SHQ1: variants seen among roughly 807,000 people sequenced by gnomAD.
SHQ1 encodes the protein SHQ1, H/ACA ribonucleoprotein assembly factor, also known as protein SHQ1 homolog.
SHQ1 carries 49 observed loss-of-function variants against 53.8 expected under a neutral mutation model. The observed-to-expected ratio is 0.91, with a 90% CI of 0.72 to 1.16. The LOEUF is 1.16. Among genes scored for constraint, SHQ1 ranks in the 50% most tolerant of loss-of-function variants. The pLI is 0.00. For synonymous variants in SHQ1, 243 were observed against 251.0 expected (o/e 0.97, Z 0.30); for missense variants, 738 against 683.1 (o/e 1.08, Z -0.90).
chr3:72,808,187 T>G (rs1707011825), intron 9 of SHQ1, among the ~76,000 whole-genome samples: 1 of 151,546 alleles, frequency 6.6e-6, no homozygotes, highest in Non-Finnish European at 1.5e-5. Flanking sequence ...AGTCCAGACT[T>G]AAGGAAAAAA....
At chr3:72,825,361 T>TACACACAC (rs61048915) in intron 5 of SHQ1, among the ~76,000 whole-genome samples, 2,913 of 141,922 alleles carry the variant, frequency 0.021, 80 homozygotes, top group African/African-American at 0.061. Context: ...TAAAAGGGGC[T>TACACACAC]ACACACACAC....
intron 10 of SHQ1, among the ~76,000 whole-genome samples, chr3:72,775,140 A>G (rs538703376): frequency 6.6e-6 from 1 of 152,200 alleles, no homozygotes; most frequent in Admixed American, 6.5e-5. Context: ...AAATAAAATA[A>G]TTTTTTAAAA....
At chr3:72,829,028 C>A in intron 5 of SHQ1, among the ~76,000 whole-genome samples, 1 of 147,750 alleles carries the variant, frequency 6.8e-6, no homozygotes, top group African/African-American at 2.5e-5. Context: ...AGATGAGGGC[C>A]AGAAACTGAT....
chr3:72,813,821 C>T (rs1356986558), intron 8 of SHQ1, among the ~76,000 whole-genome samples: 3 of 143,684 alleles, frequency 2.1e-5, no homozygotes, highest in African/African-American at 7.8e-5. Flanking sequence ...AGTTTCCTCT[C>T]CTCTTTTTCT....
intron 9 of SHQ1, chr3:72,795,620 A>G (rs894537421): frequency 8.5e-5 from 13 of 152,198 alleles, no homozygotes; most frequent in African/African-American, 3.1e-4. Flanking sequence ...CTCTCTTTTT[A>G]GAGGAAGGAG....
At chr3:72,818,543 CT>C (rs1575720135) in intron 6 of SHQ1, among the ~76,000 whole-genome samples, 1 of 152,166 alleles carries the variant, frequency 6.6e-6, no homozygotes, top group African/African-American at 2.4e-5. Context: ...CCACCTCCCC[CT>C]GGCAAGAAAT....
At chr3:72,757,740 G>A (rs138741166) in intron 10 of SHQ1, among the ~76,000 whole-genome samples, 9 of 152,284 alleles carry the variant, frequency 5.9e-5, no homozygotes, top group African/African-American at 2.2e-4. Flanking sequence ...ACCAATTACC[G>A]CATGTTGTCA....
At chr3:72,733,152 G>C in the SHQ1 span, among the ~76,000 whole-genome samples, 5 of 151,632 alleles carry the variant, frequency 3.3e-5, no homozygotes, top group South Asian at 1.0e-3. Context: ...TGCCCTCCCA[G>C]GCTGGGCAGC....
At chr3:72,834,153 C>A (rs1038582721) in intron 4 of SHQ1, among the ~76,000 whole-genome samples, 1 of 152,200 alleles carries the variant, frequency 6.6e-6, no homozygotes, top group African/African-American at 2.4e-5. Context: ...CTATCACAAT[C>A]CATTTAGCTT....
chr3:72,841,940 A>G (rs958245530), intron 3 of SHQ1, among the ~76,000 whole-genome samples: 8 of 152,204 alleles, frequency 5.3e-5, no homozygotes, highest in Non-Finnish European at 1.2e-4. Context: ...CTAACGGGCC[A>G]TGGATCAGTA....
At chr3:72,795,170 C>T (rs1156247382) in intron 9 of SHQ1, 1 of 152,156 alleles carries the variant, frequency 6.6e-6, no homozygotes, top group Non-Finnish European at 1.5e-5. Flanking sequence ...TTGTGGCTTC[C>T]TCATATGCAG....
the SHQ1 span, among the ~76,000 whole-genome samples, chr3:72,727,687 A>T: frequency 1.3e-5 from 2 of 152,180 alleles, no homozygotes; most frequent in African/African-American, 4.8e-5. Context: ...GCCTAAATTC[A>T]TACCTCAGCT....
intron 10 of SHQ1, among the ~76,000 whole-genome samples, chr3:72,786,823 G>A (rs933349525): frequency 6.6e-6 from 1 of 152,128 alleles, no homozygotes; most frequent in East Asian, 1.9e-4. Flanking sequence ...AAAAATACAT[G>A]ACTCCACTTT....
At chr3:72,742,651 C>G in the SHQ1 span, among the ~76,000 whole-genome samples, 1 of 131,388 alleles carries the variant, frequency 7.6e-6, no homozygotes, top group Admixed American at 8.3e-5. Context: ...GAGTCTCACT[C>G]TGTTGTCCAG....
At chr3:72,814,993 G>A (rs1235327890) in intron 8 of SHQ1, among the ~76,000 whole-genome samples, 4 of 152,052 alleles carry the variant, frequency 2.6e-5, no homozygotes, top group African/African-American at 9.7e-5. Flanking sequence ...GTGTGTGTGT[G>A]TGTTCTTAGC....
chr3:72,751,093 A>C (rs916955003), intron 10 of SHQ1, among the ~76,000 whole-genome samples: 1 of 152,218 alleles, frequency 6.6e-6, no homozygotes, highest in Non-Finnish European at 1.5e-5. Flanking sequence ...AAGCCACAAA[A>C]GACTGATAAA....
intron 4 of SHQ1, among the ~76,000 whole-genome samples, chr3:72,835,338 A>T (rs575191047): frequency 6.6e-6 from 1 of 152,048 alleles, no homozygotes; most frequent in African/African-American, 2.4e-5. Context: ...TACATTCAAT[A>T]ATGTCGGTTT....
At chr3:72,837,485 G>C (rs1383066660) in intron 4 of SHQ1, among the ~76,000 whole-genome samples, 2 of 151,918 alleles carry the variant, frequency 1.3e-5, no homozygotes, top group Non-Finnish European at 2.9e-5. Flanking sequence ...TAATAAATCT[G>C]TATTGCTTTT....
At chr3:72,790,379 A>T (rs897094283) in intron 10 of SHQ1, among the ~76,000 whole-genome samples, 2 of 152,240 alleles carry the variant, frequency 1.3e-5, no homozygotes, top group Non-Finnish European at 2.9e-5. Context: ...TTTTTGTGCT[A>T]GTCAGAATTT....
Sources: allele counts gnomAD v4.1 joint callset (sites outside exome capture counted in the v4.1 genomes callset), GRCh38; gene constraint gnomAD v4.1.1; transcripts MANE v1.5; gene names NCBI Gene and HGNC (gene_info 2026-07-23, HGNC 2026-07-21).